Variants in COL11A1 observed in about 807,000 individuals in gnomAD.
COL11A1 encodes collagen type XI alpha 1 chain.
In COL11A1, 74 loss-of-function variants were observed where a neutral mutation model predicts 265.2. That is an observed-to-expected ratio of 0.28 (90% CI 0.23 to 0.34). The LOEUF (loss-of-function observed/expected upper bound fraction) is 0.34, where lower values mean the gene tolerates loss of function less well. Ranked by LOEUF, COL11A1 falls within the 10% of genes least tolerant of loss-of-function variation. The pLI, the probability that COL11A1 is intolerant of heterozygous loss-of-function variation, is 1.00. For synonymous variants in COL11A1, 816 were observed against 727.6 expected, an observed-to-expected ratio of 1.12 and a Z score of -1.96; for missense variants, 2,165 against 2,263.6, an observed-to-expected ratio of 0.96 and a Z score of 0.88.
chr1:103,033,996 C>T (rs1211578833), intron 4 of COL11A1, among the ~76,000 whole-genome samples: 1 of 152,030 alleles, frequency 6.6e-6, no homozygotes, highest in Non-Finnish European at 1.5e-5. Context: ...AGTCTTTCCC[C>T]CTACCCCCCA....
chr1:103,080,554 G>A (rs1423028231), intron 2 of COL11A1, among the ~76,000 whole-genome samples: 1 of 151,622 alleles, frequency 6.6e-6, no homozygotes, highest in Non-Finnish European at 1.5e-5. Context: ...AATGGCTAAC[G>A]GGTATATGAA....
At chr1:102,891,779 A>T (rs1003400450) in intron 57 of COL11A1, among the ~76,000 whole-genome samples, 1 of 151,672 alleles carries the variant, frequency 6.6e-6, no homozygotes, top group Non-Finnish European at 1.5e-5. Context: ...GCTACTTGAG[A>T]GGCTAAGGGA....
chr1:102,934,603 C>T (rs767653622), intron 45 of COL11A1, 47 bp from the exon 46 acceptor site: 26 of 1,387,202 alleles, frequency 1.9e-5, no homozygotes, highest in East Asian at 1.8e-4. Flanking sequence ...AAAATCATTA[C>T]GATATGAGTC....
chr1:102,902,165 T>C (rs1253432021), intron 54 of COL11A1, among the ~76,000 whole-genome samples: 2 of 152,160 alleles, frequency 1.3e-5, no homozygotes, highest in African/African-American at 4.8e-5. Context: ...GAATGGAAAG[T>C]ACATGATAGT....
chr1:103,026,762 A>T (rs143101451), intron 5 of COL11A1, among the ~76,000 whole-genome samples: 2,085 of 152,206 alleles, frequency 0.014, 38 homozygotes, highest in Non-Finnish European at 0.018. Context: ...ATCTAAAAAT[A>T]AAAATGTAGA....
At chr1:102,935,033 A>G (rs369391674) in intron 45 of COL11A1, 27 bp downstream of exon 45, 22 of 1,611,692 alleles carry the variant, frequency 1.4e-5, no homozygotes, top group Non-Finnish European at 1.8e-5. Flanking sequence ...AAGGATTTAG[A>G]TTTGCTGAAC....
At chr1:103,031,369 A>C in intron 4 of COL11A1, 125 bp from the exon 5 acceptor site, 1 of 1,177,202 alleles carries the variant, frequency 8.5e-7, no homozygotes, top group Admixed American at 2.2e-5. Flanking sequence ...ACCTACTTAT[A>C]TTTCAATGTT....
At position 103,031,307 on chromosome 1, in the gene COL11A1, A is replaced by G. The variant is rs1257880053; in HGVS notation, c.652-63T>C. 6.4e-6 allele frequency: 10 copies of G among 1,558,228 alleles called. No homozygotes were observed. The South Asian group carries it at 1.0e-4, about 16-fold the overall frequency. On this transcript the variant is annotated intron_variant, in intron 4 of 66. Coordinates refer to ENST00000370096, the MANE Select transcript of COL11A1 (RefSeq NM_001854.4). ...ATTCAGTTAGCATATTAAAGTACAC[A>G]TATACCAAAGCGAGATGTGGTTTAT...
At chr1:102,941,653 G>T (rs537833571) in intron 42 of COL11A1, among the ~76,000 whole-genome samples, 1 of 152,272 alleles carries the variant, frequency 6.6e-6, no homozygotes, top group African/African-American at 2.4e-5. Context: ...AGAACTCTTT[G>T]CATAGTTAAT....
chr1:102,948,746 AT>A (rs1312435326), intron 41 of COL11A1, among the ~76,000 whole-genome samples: 1 of 151,742 alleles, frequency 6.6e-6, no homozygotes, highest in Admixed American at 6.6e-5. Context: ...TCATCAATGT[AT>A]TTTTTAATTT....
At chr1:102,982,221 C>T (rs1663106698) in intron 31 of COL11A1, among the ~76,000 whole-genome samples, 2 of 151,886 alleles carry the variant, frequency 1.3e-5, no homozygotes, top group African/African-American at 2.4e-5. Flanking sequence ...TAGGAGGAAA[C>T]ATTTCTGTTG....
At position 102,898,990 on chromosome 1, in the gene COL11A1, G is replaced by A. The variant is rs746495082; in HGVS notation, c.4091C>T (p.Pro1364Leu). The change falls in exon 55 of 67, where the codon CCT (proline) becomes CTT (leucine). Residue 1364 changes from proline (P) to leucine (L), a missense_variant. Pro to Leu is a moderately conservative substitution (Grantham distance 98). Transcript: ENST00000370096. ...GPPGPPGKRG[P>L]PGAAGAEGRQ... ...TCCCTCTGCACCTGCAGCTCCAGGA[G>A]GACCCTATAGACATAAGATTTATTG... 1 of 1,539,136 alleles carries A rather than the reference G, an allele frequency of 6.5e-7. No individual in the cohort carries two copies. The highest frequency in any genetic ancestry group is 1.8e-5 in the Admixed American group (1 of 56,362).
At chr1:102,979,303 C>A (rs1662809061) in intron 32 of COL11A1, 79 bp downstream of exon 32, 1 of 1,312,370 alleles carries the variant, frequency 7.6e-7, no homozygotes, top group South Asian at 1.2e-5. Flanking sequence ...TCACAAATAT[C>A]TGGGAATACA....
chr1:102,884,248 C>G (rs1340301014), intron 63 of COL11A1: 1 of 152,148 alleles, frequency 6.6e-6, no homozygotes, highest in Non-Finnish European at 1.5e-5. Flanking sequence ...TCATAGAAAC[C>G]AGAACCCCTT....
Position 102,979,400 on chromosome 1 carries a change from A to C in COL11A1, c.2592T>G (p.Asn864Lys). The C allele has an allele frequency of 6.2e-7, 1 of 1,610,456 alleles. No homozygotes were observed. Reference sequence around the variant, plus strand: ...ATCATACCCGTGCACCTTTCTCTCCATTGGCACCTGGAAACCCAGGGAATC... The same window carrying C: ...ATCATACCCGTGCACCTTTCTCTCCCTTGGCACCTGGAAACCCAGGGAATC... ...STGFPGFPGA[N>K]GEKGARGVAG... The change falls in exon 32 of 67, where the codon AAT (asparagine) becomes AAG (lysine). Residue 864 changes from asparagine (N) to lysine (K), a missense_variant. Physicochemically the swap from Asn to Lys is moderately conservative, Grantham distance 94 (BLOSUM62 0). Transcript: ENST00000370096.
In COL11A1 at chr1:102,961,919, C is replaced by T. The variant is rs764282256; in HGVS notation, c.3115G>A (p.Gly1039Ser). Reference protein sequence around the residue: ...PGERGLPGAQGAPGLKGGEGP... With the variant: ...PGERGLPGAQSAPGLKGGEGP... ...TCCCCTCCTTTCAGTCCAGGTGCAC[C>T]CTGGGAAAAGTGAAAAAAATAAAGA... Residue 1039 changes from glycine (G) to serine (S), a missense_variant and splice_region_variant, in exon 41 of 67, where the codon GGT becomes AGT. Coordinates refer to ENST00000370096, the MANE Select transcript of COL11A1 (RefSeq NM_001854.4). The T allele has an allele frequency of 3.7e-6, 6 of 1,612,474 alleles. No homozygotes were observed. Among genetic ancestry groups the T allele is most frequent in the East Asian group, 4.5e-5 (2 of 44,852 alleles).
Position 103,017,896 on chromosome 1 carries a change from C to T in COL11A1, c.1351-14G>A. ...ACCCATAATACCCTATAGAGAAACA[C>T]ACCATATCTTAATCAGATTCCTAAT... On this transcript the variant is annotated splice_polypyrimidine_tract_variant and intron_variant, in intron 10 of 66. Coordinates refer to ENST00000370096, the MANE Select transcript of COL11A1 (RefSeq NM_001854.4). 3 of 1,600,750 alleles carry T rather than the reference C, an allele frequency of 1.9e-6. No homozygotes were observed. The highest frequency in any genetic ancestry group is 1.7e-6 in the Non-Finnish European group (2 of 1,167,932).
intron 63 of COL11A1, among the ~76,000 whole-genome samples, chr1:102,886,388 A>G (rs1000859830): frequency 9.2e-5 from 14 of 152,196 alleles, no homozygotes; most frequent in African/African-American, 3.4e-4. Context: ...TCAAATATAC[A>G]TCAGTTATGC....
chr1:103,085,920 CGT>C lies in COL11A1; in HGVS notation c.107-2950_107-2949del, dbSNP rs1442943894. ...CCCTCACAAACCATATGTTCTTATC[CGT>C]CCTGTGCAGATTGAGATTTAAGAAC... On this transcript the variant is annotated intron_variant, in intron 1 of 66. Transcript: ENST00000370096. Among the ~76,000 whole-genome samples, 20 of 152,126 alleles carry C rather than the reference CGT, an allele frequency of 1.3e-4. No homozygotes were observed. In the East Asian group the frequency reaches 3.7e-3, roughly 28 times the overall value.
Sources: allele counts gnomAD v4.1 joint callset (sites outside exome capture counted in the v4.1 genomes callset), GRCh38; gene constraint gnomAD v4.1.1; transcripts MANE v1.5; gene names NCBI Gene and HGNC (gene_info 2026-07-23, HGNC 2026-07-21).